PRKACB: variants seen among roughly 807,000 people sequenced by gnomAD.
PRKACB encodes the protein cAMP-dependent protein kinase catalytic subunit beta.
In PRKACB, 16 loss-of-function variants were observed where a neutral mutation model predicts 51.4. That is an observed-to-expected ratio of 0.31 (90% CI 0.21 to 0.47). The LOEUF is 0.47. Among genes scored for constraint, PRKACB ranks in the 20% least tolerant of loss-of-function variants. The pLI is 1.00. For missense variants in PRKACB, 309 were observed against 464.5 expected (o/e 0.67, Z 3.08); for synonymous variants, 147 against 154.4 (o/e 0.95, Z 0.35).
intron 1 of PRKACB, among the ~76,000 whole-genome samples, chr1:84,177,923 TA>T (rs1245776931): frequency 6.6e-5 from 10 of 152,002 alleles, no homozygotes; most frequent in Admixed American, 6.6e-4. Context: ...TCAGTTTTTC[TA>T]AAAAAGGCAT....
At chr1:84,129,021 T>A (rs543850431) in intron 1 of PRKACB, among the ~76,000 whole-genome samples, 3 of 152,312 alleles carry the variant, frequency 2.0e-5, no homozygotes, top group African/African-American at 7.2e-5. Flanking sequence ...GACTCAAACA[T>A]ATGAATAAAA....
chr1:84,100,892 A>G (rs950032874), intron 1 of PRKACB, among the ~76,000 whole-genome samples: 1 of 152,206 alleles, frequency 6.6e-6, no homozygotes, highest in African/African-American at 2.4e-5. Context: ...ACACAGTTAA[A>G]AAGTAGGCAA....
At chr1:84,180,479 C>T (rs1487923225) in intron 2 of PRKACB, among the ~76,000 whole-genome samples, 1 of 151,066 alleles carries the variant, frequency 6.6e-6, no homozygotes, top group African/African-American at 2.4e-5. Context: ...GTATACTGCT[C>T]AAGTAATGGA....
intron 8 of PRKACB, among the ~76,000 whole-genome samples, chr1:84,211,170 C>T (rs1401393738): frequency 6.6e-6 from 1 of 151,484 alleles, no homozygotes; most frequent in Admixed American, 6.6e-5. Flanking sequence ...CGTTCAAGAC[C>T]ATCACTTTAT....
chr1:84,169,823 C>A (rs1658813943), intron 1 of PRKACB, among the ~76,000 whole-genome samples: 1 of 151,514 alleles, frequency 6.6e-6, no homozygotes, highest in South Asian at 2.1e-4. Context: ...TCCTGGTGAG[C>A]ATTTGGAATT....
Position 84,185,135 on chromosome 1 carries a change from C to A in PRKACB, c.513C>A (p.Val171=). Residue 171 remains valine (V), a synonymous_variant, in exon 5 of 10, where the codon GTC becomes GTA. Coordinates refer to ENST00000370685, the MANE Select transcript of PRKACB (RefSeq NM_182948.4). ...NSNLYMVMEY[V]PGGEMFSHLR... Reference sequence around the variant, plus strand: ...ATTTATACATGGTTATGGAATATGTCCCTGGGGGTGAAATGTTTTCACATC... The same window carrying A: ...ATTTATACATGGTTATGGAATATGTACCTGGGGGTGAAATGTTTTCACATC... The A allele has an allele frequency of 6.6e-7, 1 of 1,505,262 alleles. No individual in the cohort carries two copies. Among genetic ancestry groups the A allele is most frequent in the South Asian group, 1.3e-5 (1 of 75,352 alleles). 93.2% of individuals were successfully genotyped at this position (1,505,262 alleles called of 1,614,324 possible).
At chr1:84,094,211 A>AAGG (rs1648748551) in intron 1 of PRKACB, among the ~76,000 whole-genome samples, 1 of 151,962 alleles carries the variant, frequency 6.6e-6, no homozygotes. Flanking sequence ...ACCAGGCAGA[A>AAGG]AATTTTTAAG....
Position 84,144,360 on chromosome 1 carries a change from G to C in PRKACB, c.-2G>C, listed in dbSNP as rs1653743006. The C allele has an allele frequency of 6.2e-7, 1 of 1,609,084 alleles. No homozygotes were observed. Among genetic ancestry groups the C allele is most frequent in the Admixed American group, 1.7e-5 (1 of 58,536 alleles). ...CATTAAGTAAAGTGTAAATGCACAT[G>C]AATGGCAGCTTATAGAGAACCACCT... On this transcript the variant is annotated 5_prime_UTR_variant, in exon 1 of 10. An upstream start codon of the reference 5' UTR is lost. Coordinates refer to ENST00000370685, the MANE Select transcript of PRKACB (RefSeq NM_182948.4).
chr1:84,163,668 A>G (rs1352210071), intron 1 of PRKACB, among the ~76,000 whole-genome samples: 2 of 151,898 alleles, frequency 1.3e-5, no homozygotes, highest in Non-Finnish European at 2.9e-5. Flanking sequence ...GTCACAAATA[A>G]ATGTTTCTTA....
Position 84,185,111 on chromosome 1 carries a change from T to C in PRKACB, c.489T>C (p.Asn163=), listed in dbSNP as rs747736211. Residue 163 remains asparagine, a synonymous_variant, in exon 5 of 10, where the codon AAT becomes AAC. Transcript: ENST00000370685. The part of the protein sequence containing the change: ...RLEYAFKDNS[N]LYMVMEYVPG... ...TTATTTGTTCATAGGATAATTCTAA[T>C]TTATACATGGTTATGGAATATGTCC... 5.4e-6 allele frequency: 8 copies of C among 1,487,714 alleles called. No individual in the cohort carries two copies. The South Asian group carries it at 1.0e-4, about 19-fold the overall frequency. The allele number at this position is 1,487,714 out of a possible 1,614,324, so 92.2% of individuals were successfully genotyped here.
chr1:84,225,089 C>T (rs1674362995), intron 9 of PRKACB, among the ~76,000 whole-genome samples: 1 of 152,170 alleles, frequency 6.6e-6, no homozygotes, highest in South Asian at 2.1e-4. Flanking sequence ...AGGGGTGGCA[C>T]TTAAAGGGAC....
chr1:84,117,854 T>C (rs1432445986), intron 1 of PRKACB, among the ~76,000 whole-genome samples: 1 of 152,248 alleles, frequency 6.6e-6, no homozygotes, highest in East Asian at 1.9e-4. Flanking sequence ...CTTGCTTTTC[T>C]ATTTTCTTGA....
At chr1:84,225,793 C>G (rs1369826246) in intron 9 of PRKACB, among the ~76,000 whole-genome samples, 1 of 152,190 alleles carries the variant, frequency 6.6e-6, no homozygotes, top group Admixed American at 6.5e-5. Flanking sequence ...CTCAGTTACC[C>G]TTTCCCCATA....
intron 1 of PRKACB, among the ~76,000 whole-genome samples, chr1:84,092,815 T>G (rs1294937395): frequency 6.6e-6 from 1 of 152,096 alleles, no homozygotes; most frequent in African/African-American, 2.4e-5. Flanking sequence ...TGTACATCCC[T>G]TATGACTGAT....
chr1:84,153,423 A>G (rs1366964974), intron 1 of PRKACB, among the ~76,000 whole-genome samples: 2 of 142,968 alleles, frequency 1.4e-5, no homozygotes, highest in Non-Finnish European at 3.2e-5. Context: ...AAAGCAACAC[A>G]CAATAAAATG....
At chr1:84,128,324 G>C (rs1384396842) in intron 1 of PRKACB, among the ~76,000 whole-genome samples, 1 of 151,940 alleles carries the variant, frequency 6.6e-6, no homozygotes, top group Admixed American at 6.6e-5. Flanking sequence ...ACATAGAACT[G>C]ACAGCTTTCA....
intron 1 of PRKACB, among the ~76,000 whole-genome samples, chr1:84,112,118 A>G (rs1169993055): frequency 6.6e-6 from 1 of 152,154 alleles, no homozygotes; most frequent in Non-Finnish European, 1.5e-5. Context: ...AGTTTTACAG[A>G]ATGAGAATAT....
intron 1 of PRKACB, chr1:84,164,914 C>T: frequency 1.3e-6 from 2 of 1,501,882 alleles, no homozygotes; most frequent in Non-Finnish European, 1.8e-6. Flanking sequence ...GTGTTTACAC[C>T]ATCGGTTCTT....
At chr1:84,169,351 A>G (rs996727104) in intron 1 of PRKACB, among the ~76,000 whole-genome samples, 4 of 151,662 alleles carry the variant, frequency 2.6e-5, no homozygotes, top group Non-Finnish European at 4.4e-5. Flanking sequence ...AGAACCTAGA[A>G]TGAAAAGATT....
Sources: gnomAD v4.1 joint callset for allele counts (sites outside exome capture counted in the v4.1 genomes callset) on GRCh38, gnomAD v4.1.1 for gene constraint, MANE v1.5 for transcripts, NCBI Gene and HGNC (gene_info 2026-07-23, HGNC 2026-07-21) for gene names.